The following CDH20 variants were observed in gnomAD, a reference collection of about 807,000 sequenced individuals.
CDH20 encodes the protein cadherin-20.
Under a neutral mutation model 74.2 loss-of-function variants are expected in CDH20, and 29 were observed. The observed-to-expected ratio is 0.39, with a 90% CI of 0.29 to 0.53. The LOEUF (loss-of-function observed/expected upper bound fraction) is 0.53. CDH20 is among the 20% of genes least tolerant of loss of function. CDH20 has a pLI of 0.69. For synonymous variants in CDH20, 469 were observed against 405.4 expected (o/e 1.16, Z -1.88); for missense variants, 988 against 1,048.3 (o/e 0.94, Z 0.79).
intron 11 of CDH20, among the ~76,000 whole-genome samples, chr18:61,551,200 A>G (rs2144413347): frequency 6.6e-6 from 1 of 152,296 alleles, no homozygotes; most frequent in African/African-American, 2.4e-5. Context: ...CACCTAAACC[A>G]ACTCTTGCAA....
chr18:61,467,158 T>TAA (rs1329269107), intron 1 of CDH20, among the ~76,000 whole-genome samples: 18 of 152,094 alleles, frequency 1.2e-4, no homozygotes, highest in African/African-American at 1.7e-4. Flanking sequence ...TATATATATA[T>TAA]AATGATCAGC....
intron 1 of CDH20, among the ~76,000 whole-genome samples, chr18:61,421,495 A>T (rs1340536667): frequency 2.0e-5 from 3 of 152,184 alleles, no homozygotes; most frequent in African/African-American, 7.2e-5. Context: ...TAATCATGTC[A>T]TTTATAATTA....
At chr18:61,415,945 G>A (rs1912667219) in intron 1 of CDH20, among the ~76,000 whole-genome samples, 1 of 151,692 alleles carries the variant, frequency 6.6e-6, no homozygotes, top group Admixed American at 6.6e-5. Flanking sequence ...TGATTCTTAT[G>A]TCTTATTATT....
intron 1 of CDH20, among the ~76,000 whole-genome samples, chr18:61,434,992 T>C (rs1908784597): frequency 6.6e-6 from 1 of 152,142 alleles, no homozygotes; most frequent in South Asian, 2.1e-4. Context: ...GGGACAGAAC[T>C]AAAACTCAAA....
chr18:61,507,675 G>T (rs1391365508), intron 6 of CDH20, 115 bp downstream of exon 6: 3 of 641,360 alleles, frequency 4.7e-6, no homozygotes, highest in Non-Finnish European at 4.8e-6. Context: ...TGATAAAAGT[G>T]CTTTCCTATT....
At position 61,373,310 on chromosome 18, in the gene CDH20, C is replaced by G. The variant is rs192845218; in HGVS notation, c.-153+39483C>G. 3.9e-5 allele frequency among the ~76,000 whole-genome samples: 6 copies of G among 151,902 alleles called. No homozygotes were observed. The East Asian group carries it at 9.7e-4, about 24-fold the overall frequency. On this transcript the variant is annotated intron_variant, in intron 1 of 11. Transcript: ENST00000262717. The stretch of plus-strand genomic sequence containing the variant: ...TTTTGTTGTCTTGTTTTAATTCTCT[C>G]CAATAAGAGTGACTTTTATTGTGCA...
At chr18:61,493,097 C>T (rs539730722) in intron 2 of CDH20, among the ~76,000 whole-genome samples, 13 of 152,294 alleles carry the variant, frequency 8.5e-5, no homozygotes, top group East Asian at 3.9e-4. Context: ...GGGAACTCAA[C>T]GCTCAGTAAT....
chr18:61,380,204 A>G (rs905843956), intron 1 of CDH20, among the ~76,000 whole-genome samples: 3 of 152,166 alleles, frequency 2.0e-5, no homozygotes, highest in Admixed American at 6.5e-5. Context: ...GAATTTATCC[A>G]CAGTTAGCTT....
At chr18:61,460,226 T>G (rs1421529488) in intron 1 of CDH20, among the ~76,000 whole-genome samples, 1 of 152,214 alleles carries the variant, frequency 6.6e-6, no homozygotes, top group Admixed American at 6.5e-5. Flanking sequence ...AAAGGCATTT[T>G]AAAGTCAAGA....
At chr18:61,462,400 G>A (rs1025921750) in intron 1 of CDH20, among the ~76,000 whole-genome samples, 1 of 152,012 alleles carries the variant, frequency 6.6e-6, no homozygotes, top group African/African-American at 2.4e-5. Flanking sequence ...ATTGGGTTAA[G>A]GACCCATTCT....
At chr18:61,384,463 A>T (rs1911531529) in intron 1 of CDH20, among the ~76,000 whole-genome samples, 1 of 152,222 alleles carries the variant, frequency 6.6e-6, no homozygotes. Flanking sequence ...GCTGTCTTAC[A>T]ATGTAGCATC....
chr18:61,516,135 C>T (rs774504269), intron 6 of CDH20, among the ~76,000 whole-genome samples: 11 of 152,186 alleles, frequency 7.2e-5, no homozygotes, highest in South Asian at 2.1e-4. Flanking sequence ...GGAGAAGCAA[C>T]GCTATTTCTA....
intron 1 of CDH20, among the ~76,000 whole-genome samples, chr18:61,408,916 CA>C (rs200072367): frequency 1.3e-5 from 2 of 151,044 alleles, no homozygotes; most frequent in Admixed American, 6.6e-5. Context: ...AATACTAATA[CA>C]AAAAAAAATG....
chr18:61,476,027 C>T (rs1910368627), intron 1 of CDH20, among the ~76,000 whole-genome samples: 1 of 152,132 alleles, frequency 6.6e-6, no homozygotes, highest in Non-Finnish European at 1.5e-5. Context: ...GTCCTGGATG[C>T]CTGTCTGGAA....
At chr18:61,529,304 C>T (rs1352873515) in intron 7 of CDH20, among the ~76,000 whole-genome samples, 2 of 152,206 alleles carry the variant, frequency 1.3e-5, no homozygotes, top group Non-Finnish European at 2.9e-5. Flanking sequence ...CGTCAGCTGG[C>T]TGCTTCTCTC....
chr18:61,463,587 T>G (rs1909858988), intron 1 of CDH20, among the ~76,000 whole-genome samples: 1 of 152,130 alleles, frequency 6.6e-6, no homozygotes, highest in African/African-American at 2.4e-5. Context: ...GGCTTCCTTC[T>G]CTTCTCTTTG....
chr18:61,393,651 C>T (rs1057258707), intron 1 of CDH20, among the ~76,000 whole-genome samples: 3 of 152,204 alleles, frequency 2.0e-5, no homozygotes, highest in African/African-American at 7.2e-5. Flanking sequence ...AAGATTTATA[C>T]TCAATATTTA....
At chr18:61,339,121 G>A (rs1004344811) in intron 1 of CDH20, among the ~76,000 whole-genome samples, 1 of 152,090 alleles carries the variant, frequency 6.6e-6, no homozygotes, top group Non-Finnish European at 1.5e-5. Flanking sequence ...TGGTGTGGAC[G>A]TGAGGGGGGT....
chr18:61,416,391 C>T (rs1342360523), intron 1 of CDH20, among the ~76,000 whole-genome samples: 1 of 152,154 alleles, frequency 6.6e-6, no homozygotes, highest in Non-Finnish European at 1.5e-5. Flanking sequence ...TATACTCCAC[C>T]TAAAGTGACA....
Sources: allele counts gnomAD v4.1 joint callset (sites outside exome capture counted in the v4.1 genomes callset), GRCh38; gene constraint gnomAD v4.1.1; transcripts MANE v1.5; gene names NCBI Gene and HGNC (gene_info 2026-07-23, HGNC 2026-07-21).